The following GLI4 variants were observed in gnomAD, a reference collection of about 807,000 sequenced individuals.
GLI4 encodes GLI family zinc finger 4, also known as zinc finger protein GLI4.
Under a neutral mutation model 30.9 loss-of-function variants are expected in GLI4, and 34 were observed. That is an observed-to-expected ratio of 1.10 (90% confidence interval 0.84 to 1.47). GLI4 has a LOEUF of 1.47. Among genes scored for constraint, GLI4 ranks in the 40% most tolerant of loss-of-function variants. The pLI is 0.00. For synonymous variants in GLI4, 277 were observed against 236.7 expected (o/e 1.17, Z -1.56); for missense variants, 696 against 538.9 (o/e 1.29, Z -2.89).
chr8:143,267,774 C>T (rs1430725207), intron 1 of GLI4: 1 of 985,360 alleles, frequency 1.0e-6, no homozygotes, highest in African/African-American at 1.7e-5. Context: ...CATCGCCACT[C>T]TGCAGATGGG....
intron 3 of GLI4, 199 bp from the exon 4 acceptor site, chr8:143,275,698 A>G: frequency 8.1e-7 from 1 of 1,236,264 alleles, no homozygotes; most frequent in East Asian, 3.2e-5. Context: ...AACGCCCCCC[A>G]CCCCTGTGTC....
At chr8:143,275,688 A>G in intron 3 of GLI4, 1 of 1,240,028 alleles carries the variant, frequency 8.1e-7, no homozygotes, top group Non-Finnish European at 1.0e-6. Context: ...GTCACCCTGC[A>G]ACGCCCCCCA....
intron 3 of GLI4, chr8:143,275,320 C>G (rs1427591961): frequency 4.2e-6 from 6 of 1,441,792 alleles, no homozygotes; most frequent in Non-Finnish European, 5.5e-6. Flanking sequence ...TGAGCCCTCG[C>G]CCACATCTGG....
chr8:143,274,006 C>T (rs1350532005), intron 2 of GLI4, among the ~76,000 whole-genome samples: 1 of 152,210 alleles, frequency 6.6e-6, no homozygotes, highest in African/African-American at 2.4e-5. Context: ...CCTTTTCAGT[C>T]TGTGCTCCTT....
chr8:143,276,404 G>A lies in GLI4; in HGVS notation c.731G>A (p.Cys244Tyr). 6.2e-7 allele frequency: 1 copy of A among 1,612,588 alleles called. No homozygotes were observed. The highest frequency in any genetic ancestry group is 1.1e-5 in the South Asian group (1 of 91,050). The change falls in exon 4 of 4, where the codon TGC (cysteine) becomes TAC (tyrosine). Residue 244 changes from cysteine to tyrosine, a missense_variant. Transcript: ENST00000340042. ...GAGAAGCCCTACGAGTGCGGCCAGT[G>A]CGGCCGCGCCTTCAGCCACAGCTCG... is the stretch of plus-strand genomic sequence containing the variant. The part of the protein sequence containing the change: ...TGEKPYECGQ[C>Y]GRAFSHSSHF...
At chr8:143,274,607 G>C (rs1586729015) in intron 2 of GLI4, 97 bp from the exon 3 acceptor site, 6 of 1,266,444 alleles carry the variant, frequency 4.7e-6, no homozygotes, top group Non-Finnish European at 6.4e-6. Flanking sequence ...GAGGTGTCCT[G>C]TGTCAGGGCC....
intron 3 of GLI4, chr8:143,275,695 C>T: frequency 1.6e-6 from 2 of 1,242,076 alleles, no homozygotes; most frequent in Non-Finnish European, 2.0e-6. Context: ...TGCAACGCCC[C>T]CCACCCCTGT....
intron 2 of GLI4, among the ~76,000 whole-genome samples, chr8:143,272,147 G>C (rs1254918704): frequency 1.3e-5 from 2 of 152,178 alleles, no homozygotes; most frequent in African/African-American, 4.8e-5. Context: ...GGACCCTTGG[G>C]GGCTTGCAGC....
In GLI4 at chr8:143,267,869, C is replaced by T. The variant is rs561138645; in HGVS notation, c.-38+385C>T. ...CACCGCCGGGCGGACGCGCTCTGTG[C>T]CGAGCTCCCGGCGATTGGGTCCGCT... is the stretch of plus-strand genomic sequence containing the variant. On this transcript the variant is annotated intron_variant, in intron 1 of 3. Transcript: ENST00000340042. 41 of 985,468 alleles carry T rather than the reference C, an allele frequency of 4.2e-5. No homozygotes were observed. The South Asian group carries it at 1.7e-3, about 41-fold the overall frequency. The allele number at this position is 985,468 out of a possible 1,614,324, so 61.0% of individuals were successfully genotyped here. A position where few individuals can be genotyped will look rare whatever the true frequency, so the allele number is the denominator to read the frequency against.
At position 143,276,620 on chromosome 8, in the gene GLI4, T is replaced by C. The variant is rs1815394650; in HGVS notation, c.947T>C (p.Ile316Thr). 2 of 1,612,702 alleles carry C rather than the reference T, an allele frequency of 1.2e-6. No individual in the cohort carries two copies. The highest frequency in any genetic ancestry group is 2.7e-5 in the African/African-American group (2 of 74,934). ...WSSVLIEHQR[I>T]HTGEKPYECS... ...TCCGTGCTCATCGAGCACCAGCGCA[T>C]CCACACTGGCGAGAAGCCCTACGAG... Residue 316 changes from isoleucine to threonine, a missense_variant, in exon 4 of 4, where the codon ATC becomes ACC. Transcript: ENST00000340042.
At chr8:143,275,766 C>T in intron 3 of GLI4, 131 bp from the exon 4 acceptor site, 1 of 1,239,434 alleles carries the variant, frequency 8.1e-7, no homozygotes. Flanking sequence ...CTCCCATCCA[C>T]TGGGTGCCTG....
intron 3 of GLI4, 74 bp downstream of exon 3, chr8:143,274,876 G>A: frequency 6.6e-7 from 1 of 1,507,502 alleles, no homozygotes; most frequent in Non-Finnish European, 8.9e-7. Flanking sequence ...GCCCACCTCT[G>A]TGGCACCCCC....
At chr8:143,267,772 C>T (rs1815169848) in intron 1 of GLI4, 2 of 985,314 alleles carry the variant, frequency 2.0e-6, no homozygotes, top group South Asian at 4.7e-5. Context: ...GTCATCGCCA[C>T]TCTGCAGATG....
chr8:143,271,404 A>G (rs768129188), intron 2 of GLI4, among the ~76,000 whole-genome samples: 3 of 152,194 alleles, frequency 2.0e-5, no homozygotes, highest in Non-Finnish European at 4.4e-5. Context: ...ATGGGCAGCT[A>G]CTGTCCCAAC....
Position 143,276,163 on chromosome 8 carries a change from G to A in GLI4, c.490G>A (p.Glu164Lys), listed in dbSNP as rs1554615460. The A allele has an allele frequency of 6.4e-7, 1 of 1,551,090 alleles. No homozygotes were observed. The highest frequency in any genetic ancestry group is 1.4e-5 in the African/African-American group (1 of 73,092). ...GPEGAPERAA[E>K]LGVNFGRSRQ... ...CGAGGGTGCGCCCGAGCGGGCTGCC[G>A]AGCTGGGAGTCAACTTCGGTCGGAG... Residue 164 changes from glutamate to lysine, a missense_variant, in exon 4 of 4, where the codon GAG becomes AAG. Physicochemically the swap from Glu to Lys is moderately conservative, Grantham distance 56 (BLOSUM62 1). Coordinates refer to ENST00000340042, the MANE Select transcript of GLI4 (RefSeq NM_138465.4).
In GLI4 at chr8:143,276,347, G is replaced by A. The variant is rs142972211; in HGVS notation, c.674G>A (p.Gly225Asp). 4.3e-5 allele frequency: 68 copies of A among 1,592,810 alleles called. No individual in the cohort carries two copies. The highest frequency in any genetic ancestry group is 3.4e-4 in the Middle Eastern group (2 of 5,926). The stretch of plus-strand genomic sequence containing the variant: ...GGCAAGCGCTTCCGCGGCTGGTCGG[G>A]CTTCATCCAGCACCACCGCATCCAC... ...ECGKRFRGWS[G>D]FIQHHRIHTG... The change falls in exon 4 of 4, where the codon GGC becomes GAC. Residue 225 changes from glycine to aspartate, a missense_variant. Gly to Asp is a moderately conservative substitution (Grantham distance 94, BLOSUM62 -1). Coordinates refer to ENST00000340042, the MANE Select transcript of GLI4 (RefSeq NM_138465.4).
intron 3 of GLI4, 141 bp from the exon 4 acceptor site, chr8:143,275,756 C>G (rs1426527274): frequency 7.3e-6 from 9 of 1,239,294 alleles, no homozygotes; most frequent in Non-Finnish European, 9.1e-6. Flanking sequence ...GTCCGCTTGT[C>G]TCCCATCCAC....
At chr8:143,274,909 TG>T in intron 3 of GLI4, 107 bp downstream of exon 3, 1 of 1,482,798 alleles carries the variant, frequency 6.7e-7, no homozygotes, top group East Asian at 2.5e-5. Context: ...ACCCCCTTCC[TG>T]GGGCCCCTTT....
intron 3 of GLI4, 157 bp from the exon 4 acceptor site, chr8:143,275,740 G>C: frequency 8.1e-7 from 1 of 1,239,376 alleles, no homozygotes. Context: ...GGCACTCCGA[G>C]CCCCTGTCCG....
Sources: allele counts gnomAD v4.1 joint callset (sites outside exome capture counted in the v4.1 genomes callset), GRCh38; gene constraint gnomAD v4.1.1; transcripts MANE v1.5; gene names NCBI Gene and HGNC (gene_info 2026-07-23, HGNC 2026-07-21).